The following HIBADH variants were observed in gnomAD, a reference collection of about 807,000 sequenced individuals.
HIBADH encodes the protein 3-hydroxyisobutyrate dehydrogenase, mitochondrial.
HIBADH carries 25 observed loss-of-function variants against 36.1 expected under a neutral mutation model. The observed-to-expected ratio is 0.69, with a 90% CI of 0.50 to 0.97. The LOEUF (loss-of-function observed/expected upper bound fraction) is 0.97, where lower values mean the gene tolerates loss of function less well. Among genes scored for constraint, HIBADH ranks in the 50% least tolerant of loss-of-function variants. HIBADH has a pLI of 0.00. For missense variants in HIBADH, 421 were observed against 418.0 expected (o/e 1.01, Z -0.06); for synonymous variants, 160 against 149.5 (o/e 1.07, Z -0.51).
At chr7:27,629,079 A>T (rs6415251) in intron 4 of HIBADH, among the ~76,000 whole-genome samples, 108,368 of 151,714 alleles carry the variant, frequency 0.71, 38,829 homozygotes, top group East Asian at 0.94. Flanking sequence ...TTTTTTTTCA[A>T]TAGTTCCAAA....
At chr7:27,570,315 A>T (rs1234824487) in intron 4 of HIBADH, among the ~76,000 whole-genome samples, 1 of 152,096 alleles carries the variant, frequency 6.6e-6, no homozygotes, top group Non-Finnish European at 1.5e-5. Flanking sequence ...GTTGGATGCA[A>T]ATTCTAAGGT....
At chr7:27,622,052 C>T (rs1785554438) in intron 4 of HIBADH, among the ~76,000 whole-genome samples, 1 of 151,982 alleles carries the variant, frequency 6.6e-6, no homozygotes, top group Non-Finnish European at 1.5e-5. Context: ...CCCAGGAGTT[C>T]AAGACTAGAC....
intron 1 of HIBADH, among the ~76,000 whole-genome samples, chr7:27,661,081 A>G (rs1455449875): frequency 6.6e-6 from 1 of 152,252 alleles, no homozygotes; most frequent in East Asian, 1.9e-4. Context: ...TTTTAGGGTT[A>G]TCTCAAAAGT....
At chr7:27,567,882 A>G (rs766427965) in intron 4 of HIBADH, among the ~76,000 whole-genome samples, 7 of 152,054 alleles carry the variant, frequency 4.6e-5, no homozygotes, top group Non-Finnish European at 8.8e-5. Context: ...TTGACTTTAC[A>G]TTGGTACAAA....
chr7:27,531,431 T>C, intron 6 of HIBADH, 83 bp from the exon 7 acceptor site: 1 of 1,199,708 alleles, frequency 8.3e-7, no homozygotes, highest in Non-Finnish European at 1.1e-6. Context: ...GGATGCTCCA[T>C]CTTCTCTCTC....
intron 6 of HIBADH, among the ~76,000 whole-genome samples, chr7:27,536,388 A>G (rs62454853): frequency 0.095 from 14,370 of 151,240 alleles, 958 homozygotes; most frequent in Non-Finnish European, 0.14. Context: ...GACTTTTAGA[A>G]TATATTTTAT....
chr7:27,586,634 G>GAAGGGA (rs1174728882), intron 4 of HIBADH, among the ~76,000 whole-genome samples: 1 of 151,860 alleles, frequency 6.6e-6, no homozygotes, highest in Admixed American at 6.6e-5. Context: ...AGGGGAAGGG[G>GAAGGGA]AGAGACAGAG....
chr7:27,625,525 CCT>C (rs1272971997), intron 4 of HIBADH, among the ~76,000 whole-genome samples: 1 of 151,670 alleles, frequency 6.6e-6, no homozygotes, highest in African/African-American at 2.4e-5. Context: ...ATGCTGGTTA[CCT>C]CTCATCAGAG....
chr7:27,552,207 G>C (rs1315216412), intron 4 of HIBADH, among the ~76,000 whole-genome samples: 1 of 152,174 alleles, frequency 6.6e-6, no homozygotes, highest in South Asian at 2.1e-4. Flanking sequence ...CACTGTTTCT[G>C]TTTCAGAGTC....
intron 6 of HIBADH, among the ~76,000 whole-genome samples, chr7:27,536,026 C>T (rs979043572): frequency 6.6e-6 from 1 of 152,094 alleles, no homozygotes; most frequent in African/African-American, 2.4e-5. Context: ...AATGTGGCTA[C>T]ACCATTTTGA....
intron 4 of HIBADH, among the ~76,000 whole-genome samples, chr7:27,555,586 G>A (rs752594360): frequency 3.9e-4 from 60 of 151,902 alleles, no homozygotes; most frequent in South Asian, 1.5e-3. Flanking sequence ...TCCTCAAATA[G>A]ACCCCAAATT....
At chr7:27,543,649 T>G (rs541058571) in intron 4 of HIBADH, among the ~76,000 whole-genome samples, 23 of 152,200 alleles carry the variant, frequency 1.5e-4, no homozygotes, top group Non-Finnish European at 2.9e-4. Flanking sequence ...GATTCTTTTT[T>G]TAAGGCAAGG....
chr7:27,627,344 TC>T (rs1019813637), intron 4 of HIBADH, among the ~76,000 whole-genome samples: 22 of 152,164 alleles, frequency 1.4e-4, no homozygotes, highest in African/African-American at 5.3e-4. Flanking sequence ...CCCCCTTGCT[TC>T]TTGACCAATC....
At chr7:27,545,094 C>T (rs571343078) in intron 4 of HIBADH, among the ~76,000 whole-genome samples, 1 of 152,150 alleles carries the variant, frequency 6.6e-6, no homozygotes, top group East Asian at 1.9e-4. Context: ...ATCTTATCTT[C>T]TCATACATAT....
intron 4 of HIBADH, among the ~76,000 whole-genome samples, chr7:27,626,126 A>AAAAAAAAAAAAAT (rs1785639522): frequency 6.7e-6 from 1 of 149,776 alleles, no homozygotes; most frequent in African/African-American, 2.5e-5. Flanking sequence ...AAAAAAAAAA[A>AAAAAAAAAAAAAT]GATGTACAGT....
intron 2 of HIBADH, 57 bp from the exon 3 acceptor site, chr7:27,632,502 A>G (rs1227571328): frequency 1.5e-5 from 18 of 1,161,412 alleles, no homozygotes; most frequent in Non-Finnish European, 2.3e-5. Context: ...CAGTTTCTAG[A>G]GCACAAACAG....
intron 4 of HIBADH, among the ~76,000 whole-genome samples, chr7:27,583,473 A>T (rs1461965401): frequency 6.6e-6 from 1 of 151,998 alleles, no homozygotes; most frequent in Non-Finnish European, 1.5e-5. Context: ...TTTCAAGAAA[A>T]AGCTACCTAA....
intron 5 of HIBADH, among the ~76,000 whole-genome samples, chr7:27,540,425 C>T (rs1262165178): frequency 2.6e-5 from 4 of 152,208 alleles, no homozygotes; most frequent in Admixed American, 2.0e-4. Context: ...TGAAAGCCTT[C>T]ATACACTCCC....
At chr7:27,602,607 T>A (rs915971207) in intron 4 of HIBADH, among the ~76,000 whole-genome samples, 5 of 152,206 alleles carry the variant, frequency 3.3e-5, no homozygotes, top group Admixed American at 2.0e-4. Context: ...TGTTTAGAGC[T>A]AAGCTGATAT....
Sources: gnomAD v4.1 joint callset for allele counts (sites outside exome capture counted in the v4.1 genomes callset) on GRCh38, gnomAD v4.1.1 for gene constraint, MANE v1.5 for transcripts, NCBI Gene and HGNC (gene_info 2026-07-23, HGNC 2026-07-21) for gene names.